CTSD: variants seen among roughly 807,000 people sequenced by gnomAD.
CTSD encodes cathepsin D.
CTSD carries 28 observed loss-of-function variants against 43.6 expected under a neutral mutation model. The ratio of observed to expected loss-of-function variants is 0.64; its 90% CI spans 0.48 to 0.88. The LOEUF (loss-of-function observed/expected upper bound fraction) is 0.88, where lower values mean the gene tolerates loss of function less well. CTSD is among the 40% of genes least tolerant of loss of function. CTSD has a pLI of 0.00. For synonymous variants in CTSD, 270 were observed against 249.8 expected, an observed-to-expected ratio of 1.08 and a Z score of -0.76; for missense variants, 485 against 555.2, an observed-to-expected ratio of 0.87 and a Z score of 1.27.
intron 2 of CTSD, chr11:1,760,327 C>T (rs976379669): frequency 2.6e-5 from 4 of 152,366 alleles, no homozygotes; most frequent in African/African-American, 9.7e-5. Context: ...GGTCCCATGC[C>T]GCCGAGCCTC....
Position 1,759,506 on chromosome 11 carries a change from C to T in CTSD, c.352+10G>A, listed in dbSNP as rs775828680. On this transcript the variant is annotated intron_variant, in intron 3 of 8. Coordinates refer to ENST00000236671, the MANE Select transcript of CTSD (RefSeq NM_001909.5). ...GGACCTGGGCGACGGGGCCAGGGTT[C>T]GTGACTCACAGCAAGCGATGTCCAG... 34 of 1,612,992 alleles carry T rather than the reference C, an allele frequency of 2.1e-5. No homozygotes were observed. The highest frequency in any genetic ancestry group is 3.3e-5 in the Admixed American group (2 of 60,010).
rs754912144 is a variant in CTSD at position 1,753,457 on chromosome 11, T to TG, written c.*45dup. The TG allele has an allele frequency of 1.2e-6, 2 of 1,610,996 alleles. No individual in the cohort carries two copies. Among genetic ancestry groups the TG allele is most frequent in the Non-Finnish European group, 1.7e-6 (2 of 1,178,286 alleles). On this transcript the variant is annotated 3_prime_UTR_variant, in exon 9 of 9. Coordinates refer to ENST00000236671, the MANE Select transcript of CTSD (RefSeq NM_001909.5). ...CCGCTGGGCCAGGGGCCTCCTGCTC[T>TG]GGGACTCTCCTCTGTTTCTGTGCTG... is the stretch of plus-strand genomic sequence containing the variant.
At position 1,753,975 on chromosome 11, in the gene CTSD, C is replaced by G. The variant is rs2133657749; in HGVS notation, c.972+19G>C. On this transcript the variant is annotated intron_variant, in intron 7 of 8. Transcript: ENST00000236671. ...TCCCCCTGCCAGCCCCAGCCCCAGC[C>G]CCAGCCCCCGGCGCTCACCTCGCCC... The G allele has an allele frequency of 6.2e-7, 1 of 1,607,158 alleles. No individual in the cohort carries two copies. Among genetic ancestry groups the G allele is most frequent in the Middle Eastern group, 1.7e-4 (1 of 5,992 alleles).
chr11:1,754,790 C>T (rs1009066489), intron 6 of CTSD, 116 bp downstream of exon 6: 3 of 1,281,606 alleles, frequency 2.3e-6, no homozygotes, highest in Non-Finnish European at 3.1e-6. Flanking sequence ...CTTTCTTGCC[C>T]AGCTCCCACT....
Position 1,753,436 on chromosome 11 carries a change from T to C in CTSD, c.*67A>G, listed in dbSNP as rs12214. The C allele has an allele frequency of 0.26, 417,477 of 1,592,086 alleles. 57,265 individuals are homozygous for C. The highest frequency in any genetic ancestry group is 0.42 in the Middle Eastern group (2,500 of 6,012). ...TGTGGGTGTGTGTGGGAGGGGCCGCTGGGCCAGGGGCCTCCTGCTCTGGGA... is the reference window on the plus strand; with the variant it reads ...TGTGGGTGTGTGTGGGAGGGGCCGCCGGGCCAGGGGCCTCCTGCTCTGGGA... On this transcript the variant is annotated 3_prime_UTR_variant, in exon 9 of 9. Coordinates refer to ENST00000236671, the MANE Select transcript of CTSD (RefSeq NM_001909.5).
In CTSD at chr11:1,761,519, CGA is replaced by C; in HGVS notation, c.69-53_69-52del. On this transcript the variant is annotated intron_variant, in intron 1 of 8. Coordinates refer to ENST00000236671, the MANE Select transcript of CTSD (RefSeq NM_001909.5). The stretch of plus-strand genomic sequence containing the variant: ...CAGGGAGGCCCTCCCGCCTGCCGGC[CGA>C]CGCTGCCAATGCTGCACATCCACCT... 1.9e-6 allele frequency: 3 copies of C among 1,601,830 alleles called. No individual in the cohort carries two copies. In the South Asian group the frequency reaches 3.3e-5, roughly 18 times the overall value.
intron 6 of CTSD, 25 bp downstream of exon 6, chr11:1,754,881 G>T: frequency 6.2e-7 from 1 of 1,613,442 alleles, no homozygotes. Context: ...AGAACCCAGG[G>T]GAGCCGACTG....
chr11:1,755,070 A>G (rs760802347), intron 5 of CTSD, 42 bp from the exon 6 acceptor site: 1 of 1,612,492 alleles, frequency 6.2e-7, no homozygotes, highest in South Asian at 1.1e-5. Flanking sequence ...GCCACCCCCC[A>G]AGCACAAGAG....
chr11:1,763,863 G>A lies in CTSD; in HGVS notation c.-4C>T. On this transcript the variant is annotated 5_prime_UTR_variant, in exon 1 of 9. Coordinates refer to ENST00000236671, the MANE Select transcript of CTSD (RefSeq NM_001909.5). Reference sequence around the variant, plus strand: ...GCAGAAGGCTGGAGGGCTGCATGGCGGCGGCGGCCGGGTCGGAGAGGGTCG... The same window carrying A: ...GCAGAAGGCTGGAGGGCTGCATGGCAGCGGCGGCCGGGTCGGAGAGGGTCG... 6.6e-7 allele frequency: 1 copy of A among 1,523,284 alleles called. No homozygotes were observed. Among genetic ancestry groups the A allele is most frequent in the Non-Finnish European group, 8.8e-7 (1 of 1,140,892 alleles). 94.4% of individuals were successfully genotyped at this position (1,523,284 alleles called of 1,614,324 possible). A position where few individuals can be genotyped will look rare whatever the true frequency, so the allele number is the denominator to read the frequency against.
intron 6 of CTSD, among the ~76,000 whole-genome samples, chr11:1,754,467 G>A (rs1237089671): frequency 1.5e-5 from 2 of 137,114 alleles, no homozygotes; most frequent in Non-Finnish European, 3.1e-5. Context: ...AGATGGAGGG[G>A]ATGGAGGGTC....
At chr11:1,753,713 C>T (rs376217740) in intron 8 of CTSD, 43 bp from the exon 9 acceptor site, 78 of 1,609,664 alleles carry the variant, frequency 4.8e-5, no homozygotes, top group African/African-American at 3.6e-4. Context: ...TAGCACCACC[C>T]GCCCCCCCAC....
chr11:1,754,382 C>CATAGAGGGATGGAGGGGA, intron 6 of CTSD: 1 of 450,018 alleles, frequency 2.2e-6, no homozygotes, highest in East Asian at 3.5e-5. Flanking sequence ...GATGGAGGGG[C>CATAGAGGGATGGAGGGGA]ATAGAGGGAT....
intron 2 of CTSD, among the ~76,000 whole-genome samples, chr11:1,759,976 C>T (rs1845855284): frequency 6.6e-6 from 1 of 152,214 alleles, no homozygotes; most frequent in African/African-American, 2.4e-5. Flanking sequence ...ACGTGGCCCT[C>T]AGCCTGAGCC....
intron 4 of CTSD, among the ~76,000 whole-genome samples, chr11:1,758,420 A>G (rs146025035): frequency 5.3e-5 from 8 of 152,090 alleles, no homozygotes; most frequent in Non-Finnish European, 1.2e-4. Context: ...GACAAGGGCC[A>G]GCTCACCCTC....
chr11:1,762,995 G>A (rs1294680255), intron 1 of CTSD: 1 of 152,392 alleles, frequency 6.6e-6, no homozygotes, highest in Non-Finnish European at 1.5e-5. Flanking sequence ...GGTGGGGCAG[G>A]TGCCCAATGG....
rs761497344 is a variant in CTSD at position 1,763,761 on chromosome 11, C to G, written c.68+31G>C. On this transcript the variant is annotated intron_variant, in intron 1 of 8. Transcript: ENST00000236671. ...GGACCTCGGCGCCGCGACCCCTGCC[C>G]GTCCCTGAGCCCCGGCCCCTGAGGC... 5 of 1,516,730 alleles carry G rather than the reference C, an allele frequency of 3.3e-6. No homozygotes were observed. In the South Asian group the frequency reaches 3.6e-5, roughly 11 times the overall value. 94.0% of individuals were successfully genotyped at this position (1,516,730 alleles called of 1,614,324 possible). A position where few individuals can be genotyped will look rare whatever the true frequency, so the allele number is the denominator to read the frequency against.
rs1803346 is a variant in CTSD at position 1,752,944 on chromosome 11, G to A, written c.*559C>T. 5.2e-6 allele frequency: 1 copy of A among 191,390 alleles called. No individual in the cohort carries two copies. The highest frequency in any genetic ancestry group is 2.4e-5 in the African/African-American group (1 of 42,260). The allele number at this position is 191,390 out of a possible 1,614,324, so 11.9% of individuals were successfully genotyped here. On this transcript the variant is annotated 3_prime_UTR_variant, in exon 9 of 9. Coordinates refer to ENST00000236671, the MANE Select transcript of CTSD (RefSeq NM_001909.5). ...GCACCACCCTGCAGGCTCCAACAAG[G>A]TGGGTTTTGTCCCCTCTCACTCCTT... is the stretch of plus-strand genomic sequence containing the variant.
intron 5 of CTSD, among the ~76,000 whole-genome samples, chr11:1,756,920 T>C (rs1845816687): frequency 6.6e-6 from 1 of 152,156 alleles, no homozygotes; most frequent in Non-Finnish European, 1.5e-5. Context: ...CTGGGCACCA[T>C]GACCCTCTCC....
At chr11:1,754,393 GGAGGGGA>G in intron 6 of CTSD, 5 of 564,958 alleles carry the variant, frequency 8.9e-6, no homozygotes, top group Non-Finnish European at 1.6e-5. Context: ...ATAGAGGGAT[GGAGGGGA>G]TGGAGGGGAT....
Sources: allele counts gnomAD v4.1 joint callset (sites outside exome capture counted in the v4.1 genomes callset), GRCh38; gene constraint gnomAD v4.1.1; transcripts MANE v1.5; gene names NCBI Gene and HGNC (gene_info 2026-07-23, HGNC 2026-07-21).